Variants in TREH observed in about 807,000 individuals in gnomAD.
TREH encodes alpha,alpha-trehalose glucohydrolase.
In TREH, 69 loss-of-function variants were observed where a neutral mutation model predicts 80.5. The ratio of observed to expected loss-of-function variants is 0.86; its 90% confidence interval spans 0.71 to 1.05. The LOEUF (loss-of-function observed/expected upper bound fraction) is 1.05, where lower values mean the gene tolerates loss of function less well. TREH is among the 50% of genes least tolerant of loss of function. The pLI is 0.00. For missense variants in TREH, 716 were observed against 718.8 expected (o/e 1.00, Z 0.04); for synonymous variants, 309 against 293.5 (o/e 1.05, Z -0.54).
At chr11:118,665,807 A>C (rs1001429600) in intron 1 of TREH, among the ~76,000 whole-genome samples, 1 of 152,150 alleles carries the variant, frequency 6.6e-6, no homozygotes, top group Non-Finnish European at 1.5e-5. Context: ...CTAGTTCCGC[A>C]CCTTTGTAAC....
intron 14 of TREH, 41 bp downstream of exon 14, chr11:118,658,639 G>A (rs1949256352): frequency 1.3e-6 from 2 of 1,558,398 alleles, no homozygotes; most frequent in Non-Finnish European, 1.7e-6. Flanking sequence ...CAGAGTTCAG[G>A]AGTTCCCTGG....
Position 118,658,436 on chromosome 11 carries a change from T to G in TREH, c.1605A>C (p.Gly535=). 1 of 1,610,958 alleles carries G rather than the reference T, an allele frequency of 6.2e-7. No individual in the cohort carries two copies. Among genetic ancestry groups the G allele is most frequent in the South Asian group, 1.1e-5 (1 of 90,676 alleles). The change falls in exon 15 of 15, where the codon GGA becomes GGC. Residue 535 remains glycine (G), a synonymous_variant. Transcript: ENST00000264029. The part of the protein sequence containing the change: ...GGGGEYEVQE[G]FGWTNGVVLM... ...GGACCACGCCATTCGTCCAGCCAAATCCCTCCTGGGAGAGGCAGGGCAGTG... is the reference window on the plus strand; with the variant it reads ...GGACCACGCCATTCGTCCAGCCAAAGCCCTCCTGGGAGAGGCAGGGCAGTG...
At chr11:118,667,162 G>A (rs1260621684) in intron 1 of TREH, among the ~76,000 whole-genome samples, 1 of 151,990 alleles carries the variant, frequency 6.6e-6, no homozygotes, top group Admixed American at 6.6e-5. Context: ...GATTACAGGT[G>A]TGGGCCACTG....
chr11:118,662,132 C>T, intron 4 of TREH, 142 bp from the exon 5 acceptor site: 1 of 664,274 alleles, frequency 1.5e-6, no homozygotes, highest in South Asian at 1.8e-5. Context: ...TGCTACTCAG[C>T]CATGTAATCA....
At chr11:118,676,194 G>T (rs886653470) in intron 1 of TREH, among the ~76,000 whole-genome samples, 2 of 152,160 alleles carry the variant, frequency 1.3e-5, no homozygotes, top group Non-Finnish European at 2.9e-5. Context: ...TTTCTGGCAC[G>T]GCCTGCCTTC....
chr11:118,667,661 A>C (rs1022071331), intron 1 of TREH, among the ~76,000 whole-genome samples: 5 of 152,212 alleles, frequency 3.3e-5, no homozygotes, highest in African/African-American at 1.2e-4. Flanking sequence ...ATCGAACCCT[A>C]CTATGGGGAA....
In TREH at chr11:118,657,558, C is replaced by T. The variant is rs1469429792; in HGVS notation, c.*731G>A. 1 of 153,004 alleles carries T rather than the reference C, an allele frequency of 6.5e-6. No individual in the cohort carries two copies. The highest frequency in any genetic ancestry group is 2.4e-5 in the African/African-American group (1 of 41,432). 9.5% of individuals were successfully genotyped at this position (153,004 alleles called of 1,614,324 possible). ...CTTCCCCCTGCCTGTGTCTTCAGCC[C>T]TGATGCACAGGCTGCCAGCCCCCCA... On this transcript the variant is annotated 3_prime_UTR_variant, in exon 15 of 15. Coordinates refer to ENST00000264029, the MANE Select transcript of TREH (RefSeq NM_007180.3).
At chr11:118,658,787 C>A in intron 13 of TREH, 54 bp from the exon 14 acceptor site, 1 of 1,611,914 alleles carries the variant, frequency 6.2e-7, no homozygotes, top group Non-Finnish European at 8.5e-7. Context: ...GCTCCAGGAA[C>A]AACAAACAAC....
rs530379117 is a variant in TREH, at chr11:118,674,878, A to G, written c.89+4661T>C. Among the ~76,000 whole-genome samples the G allele has an allele frequency of 3.4e-4, 51 of 152,166 alleles. No individual in the cohort carries two copies. The highest frequency in any genetic ancestry group is 5.9e-4 in the Admixed American group (9 of 15,272). ...TTCTCTCAATCTCATTGCAGTGCCC[A>G]TCAGGACTTCAGCAGGTGTTTTTGG... On this transcript the variant is annotated intron_variant, in intron 1 of 14. Transcript: ENST00000264029. The surrounding 1 kb of genome is among the most constrained non-coding windows in gnomAD (Gnocchi z 4.4).
chr11:118,675,561 A>G (rs1023642770), intron 1 of TREH, among the ~76,000 whole-genome samples: 1 of 152,194 alleles, frequency 6.6e-6, no homozygotes, highest in Non-Finnish European at 1.5e-5. Context: ...ACAAGCCAGG[A>G]TCAGCCAAAT....
At chr11:118,670,143 A>G (rs1052128281) in intron 1 of TREH, among the ~76,000 whole-genome samples, 3 of 152,220 alleles carry the variant, frequency 2.0e-5, no homozygotes, top group African/African-American at 7.2e-5. Flanking sequence ...AGAGATTGGG[A>G]GGTCAGGCTG....
Position 118,662,891 on chromosome 11 carries a change from A to G in TREH, c.413T>C (p.Leu138Pro). 1 of 1,589,984 alleles carries G rather than the reference A, an allele frequency of 6.3e-7. No homozygotes were observed. Among genetic ancestry groups the G allele is most frequent in the South Asian group, 1.1e-5 (1 of 87,654 alleles). The change falls in exon 4 of 15, where the codon CTG becomes CCG. Residue 138 changes from leucine (L) to proline (P), a missense_variant. Physicochemically the swap from Leu to Pro is moderately conservative, Grantham distance 98. Transcript: ENST00000264029. ...CCAGGACGCTGATACCTTCTTCCCC[A>G]GCTTCTTCCAGAGCTGATGCAGCTG... is the stretch of plus-strand genomic sequence containing the variant. ...AGQLHQLWKKLGKKMKPEVLS... is the reference protein window; with the variant it reads ...AGQLHQLWKKPGKKMKPEVLS...
At chr11:118,668,969 A>G (rs1555145961) in intron 1 of TREH, among the ~76,000 whole-genome samples, 1 of 152,192 alleles carries the variant, frequency 6.6e-6, no homozygotes, top group African/African-American at 2.4e-5. Flanking sequence ...AAAAAAACTA[A>G]CAATCCAATT....
chr11:118,667,861 C>A (rs1949392746), intron 1 of TREH, among the ~76,000 whole-genome samples: 1 of 151,996 alleles, frequency 6.6e-6, no homozygotes, highest in Non-Finnish European at 1.5e-5. Flanking sequence ...AGTCTTTTAT[C>A]CCTAACAAAT....
chr11:118,668,984 A>G (rs1193444074), intron 1 of TREH, among the ~76,000 whole-genome samples: 1 of 152,208 alleles, frequency 6.6e-6, no homozygotes, highest in Non-Finnish European at 1.5e-5. Flanking sequence ...CCAATTAAAT[A>G]TGGGCAAAAG....
Position 118,660,394 on chromosome 11 carries a change from T to C in TREH, c.1102+145A>G, listed in dbSNP as rs1271594350. ...TTTGTTCTCTTGTCTGGTACGCAAATGTGAGTGCAGGCTTCCACTAGGGCG... is the reference window on the plus strand; with the variant it reads ...TTTGTTCTCTTGTCTGGTACGCAAACGTGAGTGCAGGCTTCCACTAGGGCG... On this transcript the variant is annotated intron_variant, in intron 10 of 14. Transcript: ENST00000264029. 9.0e-6 allele frequency: 7 copies of C among 776,292 alleles called. No homozygotes were observed. In the East Asian group the frequency reaches 1.9e-4, roughly 21 times the overall value. 48.1% of individuals were successfully genotyped at this position (776,292 alleles called of 1,614,324 possible).
rs1555145109 is a variant in TREH, at chr11:118,661,984, G to A, written c.430C>T (p.Pro144Ser). 8 of 1,552,488 alleles carry A rather than the reference G, an allele frequency of 5.2e-6. No individual in the cohort carries two copies. In the African/African-American group the frequency reaches 6.8e-5, roughly 13 times the overall value. ...CGCTCAGGGTGGCTGAGAACCTCTG[G>A]CTTCATCTGGAGTCGGGAGAGAGGG... is the stretch of plus-strand genomic sequence containing the variant. ...LWKKLGKKMK[P>S]EVLSHPERFS... Residue 144 changes from proline to serine, a missense_variant, in exon 5 of 15, where the codon CCA becomes TCA. Coordinates refer to ENST00000264029, the MANE Select transcript of TREH (RefSeq NM_007180.3). The surrounding 1 kb of genome is among the most constrained non-coding windows in gnomAD (Gnocchi z 4.2).
chr11:118,667,409 T>C (rs1307767334), intron 1 of TREH, among the ~76,000 whole-genome samples: 1 of 152,120 alleles, frequency 6.6e-6, no homozygotes, highest in Non-Finnish European at 1.5e-5. Flanking sequence ...CTTGAACTCC[T>C]GGGTTCAAGT....
In TREH at chr11:118,661,537, C is replaced by T. The variant is rs781872758; in HGVS notation, c.618-28G>A. 1.2e-6 allele frequency: 2 copies of T among 1,611,940 alleles called. No homozygotes were observed. Among genetic ancestry groups the T allele is most frequent in the Admixed American group, 1.7e-5 (1 of 59,764 alleles). The stretch of plus-strand genomic sequence containing the variant: ...GCCAAGGGGAAGGCCTGCTGAGATG[C>T]CCTCTCCCCAGCAACTGGCACCAAG... On this transcript the variant is annotated intron_variant, in intron 6 of 14. Coordinates refer to ENST00000264029, the MANE Select transcript of TREH (RefSeq NM_007180.3). This position sits in a 1 kb window ranked among gnomAD's most constrained non-coding sequence, Gnocchi z 4.2.
Sources: allele counts gnomAD v4.1 joint callset (sites outside exome capture counted in the v4.1 genomes callset), GRCh38; gene constraint gnomAD v4.1.1; non-coding constraint Gnocchi (gnomAD v3.1); transcripts MANE v1.5; gene names NCBI Gene and HGNC (gene_info 2026-07-23, HGNC 2026-07-21).